Variants in AVEN observed in about 807,000 individuals in gnomAD.
The protein encoded by AVEN is cell death regulator Aven.
AVEN carries 41 observed loss-of-function variants against 38.1 expected under a neutral mutation model. The observed-to-expected ratio is 1.08, with a 90% confidence interval of 0.84 to 1.40. The LOEUF (loss-of-function observed/expected upper bound fraction) is 1.40, where lower values mean the gene tolerates loss of function less well. AVEN is among the 40% of genes most tolerant of loss of function. AVEN has a pLI of 0.00. For synonymous variants in AVEN, 206 were observed against 171.8 expected, an observed-to-expected ratio of 1.20 and a Z score of -1.56; for missense variants, 605 against 438.8, an observed-to-expected ratio of 1.38 and a Z score of -3.38.
At chr15:33,904,781 T>C (rs1325223745) in intron 2 of AVEN, among the ~76,000 whole-genome samples, 2 of 151,602 alleles carry the variant, frequency 1.3e-5, no homozygotes, top group Non-Finnish European at 2.9e-5. Flanking sequence ...ATATCTGTTG[T>C]TCTTTATAAT....
At chr15:33,972,417 T>C (rs950860385) in intron 2 of AVEN, 2 of 151,962 alleles carry the variant, frequency 1.3e-5, no homozygotes, top group African/African-American at 4.8e-5. Flanking sequence ...TCCCATGACA[T>C]AGATTAATTA....
chr15:33,863,655 A>AAAAC (rs1288130887), downstream of AVEN, among the ~76,000 whole-genome samples: 2 of 152,114 alleles, frequency 1.3e-5, no homozygotes, highest in East Asian at 1.9e-4. Flanking sequence ...ATTTATGATG[A>AAAAC]AAACAAAACT....
intron 1 of AVEN, among the ~76,000 whole-genome samples, chr15:34,037,786 C>T (rs1260783609): frequency 3.9e-5 from 6 of 152,054 alleles, no homozygotes; most frequent in South Asian, 2.1e-4. Context: ...CTCTGTATTG[C>T]TGTATACAAC....
chr15:34,053,319 A>ATATATATATAT (rs1555520677), intron 5 of AVEN, among the ~76,000 whole-genome samples: 6 of 42,044 alleles, frequency 1.4e-4, no homozygotes, highest in African/African-American at 4.8e-4. Flanking sequence ...AAAAAAAAAA[A>ATATATATATAT]ATATATATAT....
chr15:33,881,626 T>C (rs1223819667), intron 2 of AVEN, among the ~76,000 whole-genome samples: 1 of 152,238 alleles, frequency 6.6e-6, no homozygotes, highest in African/African-American at 2.4e-5. Context: ...TAAAAGTCTT[T>C]CTAGAAAACA....
At chr15:34,007,686 T>C (rs1897417789) in intron 1 of AVEN, among the ~76,000 whole-genome samples, 1 of 152,236 alleles carries the variant, frequency 6.6e-6, no homozygotes, top group African/African-American at 2.4e-5. Context: ...ATTACTTTCC[T>C]ACAGCTGCCA....
chr15:33,957,622 C>T (rs1391581462), intron 2 of AVEN, among the ~76,000 whole-genome samples: 1 of 150,570 alleles, frequency 6.6e-6, no homozygotes, highest in Non-Finnish European at 1.5e-5. Context: ...AAATGATAAA[C>T]AAATTGTGAT....
At chr15:33,946,261 T>C (rs2153054987) in intron 2 of AVEN, among the ~76,000 whole-genome samples, 1 of 152,292 alleles carries the variant, frequency 6.6e-6, no homozygotes, top group East Asian at 1.9e-4. Flanking sequence ...GCAGCCCTAG[T>C]AATGTGAACC....
intron 2 of AVEN, among the ~76,000 whole-genome samples, chr15:33,964,314 G>A (rs1895307769): frequency 6.6e-6 from 1 of 152,078 alleles, no homozygotes; most frequent in Non-Finnish European, 1.5e-5. Context: ...TCAGTATAAG[G>A]TCAAAATATT....
intron 2 of AVEN, among the ~76,000 whole-genome samples, chr15:33,917,396 A>ACACACAC (rs1555506897): frequency 3.3e-3 from 76 of 23,260 alleles, no homozygotes; most frequent in African/African-American, 6.0e-3. Context: ...ACACACACAC[A>ACACACAC]CATGGAATAC....
At chr15:33,856,021 C>G (rs1463423324), downstream of AVEN, 2 of 152,082 alleles carry the variant, frequency 1.3e-5, no homozygotes, top group Non-Finnish European at 2.9e-5. Flanking sequence ...ATGCCGTGTC[C>G]CAGTTACTGT....
chr15:34,063,174 T>C lies in AVEN; in HGVS notation n.1385A>G, dbSNP rs1048559519. The C allele has an allele frequency of 4.3e-6, 7 of 1,614,066 alleles. No homozygotes were observed. The African/African-American group carries it at 5.3e-5, about 12-fold the overall frequency. Reference sequence around the variant, plus strand: ...GAAAAGGGCTGGCATCATGATTGGCTTGGCCTGGCTGATCTCCTTCATCCT... The same window carrying C: ...GAAAAGGGCTGGCATCATGATTGGCCTGGCCTGGCTGATCTCCTTCATCCT... On this transcript the variant is annotated non_coding_transcript_exon_variant, in exon 5 of 12. Transcript: ENST00000675287. This position sits in a 1 kb window ranked among gnomAD's most constrained non-coding sequence, Gnocchi z 4.1.
intron 2 of AVEN, chr15:33,991,225 G>A (rs372417640): frequency 6.6e-6 from 1 of 152,158 alleles, no homozygotes; most frequent in Non-Finnish European, 1.5e-5. Context: ...AAAGTTTATA[G>A]AGACCCTGGC....
chr15:33,866,477 A>ATTTACTGC lies in AVEN; in HGVS notation c.*128_*135dup, dbSNP rs1890518567. 1 of 630,428 alleles carries ATTTACTGC rather than the reference A, an allele frequency of 1.6e-6. No individual in the cohort carries two copies. The highest frequency in any genetic ancestry group is 2.0e-5 in the South Asian group (1 of 50,252). The allele number at this position is 630,428 out of a possible 1,614,324, so 39.1% of individuals were successfully genotyped here. A position where few individuals can be genotyped will look rare whatever the true frequency, so the allele number is the denominator to read the frequency against. ...TCAGATGTCAAACACAGAGGTAGGCATTTACTGCTGTGAGCATAATGGAAC... is the reference window on the plus strand; with the variant it reads ...TCAGATGTCAAACACAGAGGTAGGCATTTACTGCTTTACTGCTGTGAGCATAATGGAAC... On this transcript the variant is annotated 3_prime_UTR_variant, in exon 6 of 6. Coordinates refer to ENST00000306730, the MANE Select transcript of AVEN (RefSeq NM_020371.3).
chr15:33,859,314 C>G (rs550591321), intron 11 of AVEN, among the ~76,000 whole-genome samples: 1 of 152,366 alleles, frequency 6.6e-6, no homozygotes, highest in East Asian at 1.9e-4. Flanking sequence ...GATCTTTTAA[C>G]TTATATACAC....
At chr15:34,026,550 C>T (rs1395471274) in intron 1 of AVEN, among the ~76,000 whole-genome samples, 3 of 151,998 alleles carry the variant, frequency 2.0e-5, no homozygotes, top group East Asian at 1.9e-4. Flanking sequence ...GCTGACGTCA[C>T]CCAGGATGTA....
Position 34,053,315 on chromosome 15 carries a change from A to T in AVEN, n.1637+9607T>A, listed in dbSNP as rs1261676639. ...ACTCCATCTCAAAAAAAAAAAAAAA[A>T]AAAAATATATATATATATATATATA... On this transcript the variant is annotated intron_variant and non_coding_transcript_variant, in intron 5 of 11. Transcript: ENST00000675287. Among the ~76,000 whole-genome samples the T allele has an allele frequency of 3.0e-3, 260 of 87,218 alleles. 2 individuals carry two copies. The highest frequency in any genetic ancestry group is 0.01 in the African/African-American group (217 of 21,680). 57.2% of individuals were successfully genotyped at this position (87,218 alleles called of 152,430 possible). A position where few individuals can be genotyped will look rare whatever the true frequency, so the allele number is the denominator to read the frequency against.
chr15:33,862,926 TGA>T (rs1406461951), downstream of AVEN, among the ~76,000 whole-genome samples: 1 of 152,220 alleles, frequency 6.6e-6, no homozygotes, highest in African/African-American at 2.4e-5. Context: ...CTCAAAAACT[TGA>T]GTTTTAAAAA....
chr15:33,885,604 A>C (rs992526793), intron 2 of AVEN: 1 of 152,248 alleles, frequency 6.6e-6, no homozygotes, highest in Non-Finnish European at 1.5e-5. Flanking sequence ...ACAGTGACTT[A>C]TAATTAGCTT....
Sources: gnomAD v4.1 joint callset for allele counts (sites outside exome capture counted in the v4.1 genomes callset) on GRCh38, gnomAD v4.1.1 for gene constraint, Gnocchi (gnomAD v3.1) non-coding constraint, MANE v1.5 for transcripts, NCBI Gene and HGNC (gene_info 2026-07-23, HGNC 2026-07-21) for gene names.